Variants in ZNF385D observed in about 807,000 individuals in gnomAD.
The protein encoded by ZNF385D is zinc finger protein 659.
In ZNF385D, 15 loss-of-function variants were observed where a neutral mutation model predicts 35.8. The observed-to-expected ratio is 0.42, with a 90% CI of 0.28 to 0.64. The LOEUF (loss-of-function observed/expected upper bound fraction) is 0.64. ZNF385D is among the 30% of genes least tolerant of loss of function. ZNF385D has a pLI of 0.23. For missense variants in ZNF385D, 474 were observed against 494.6 expected, an observed-to-expected ratio of 0.96 and a Z score of 0.39; for synonymous variants, 212 against 186.8, an observed-to-expected ratio of 1.13 and a Z score of -1.10.
chr3:21,569,669 A>G (rs1224336288), intron 2 of ZNF385D, among the ~76,000 whole-genome samples: 9 of 151,712 alleles, frequency 5.9e-5, no homozygotes, highest in Non-Finnish European at 8.8e-5. Flanking sequence ...GATGGTCTTT[A>G]CATTTTGGCA....
chr3:21,933,988 T>C (rs1372241209), intron 3 of ZNF385D, among the ~76,000 whole-genome samples: 3 of 142,114 alleles, frequency 2.1e-5, no homozygotes, highest in African/African-American at 8.2e-5. Context: ...ATTATTTACA[T>C]AGTAACTCAC....
chr3:22,331,713 T>C (rs967643671), intron 2 of ZNF385D, among the ~76,000 whole-genome samples: 9 of 152,148 alleles, frequency 5.9e-5, no homozygotes, highest in Admixed American at 3.9e-4. Flanking sequence ...CCAAAATATA[T>C]TGCCCAATAT....
At chr3:21,975,726 T>TAC (rs1559808644) in intron 3 of ZNF385D, among the ~76,000 whole-genome samples, 7 of 26,550 alleles carry the variant, frequency 2.6e-4, no homozygotes, top group Non-Finnish European at 5.3e-4. Flanking sequence ...TATATATATA[T>TAC]ATATATATAT....
At chr3:21,982,079 G>GTTTTTTTTTTT (rs59719489) in intron 3 of ZNF385D, among the ~76,000 whole-genome samples, 1 of 133,254 alleles carries the variant, frequency 7.5e-6, no homozygotes, top group African/African-American at 2.9e-5. Flanking sequence ...TTTTAAAATA[G>GTTTTTTTTTTT]TTTTTTTTTT....
At chr3:22,315,462 A>T (rs537410363) in intron 2 of ZNF385D, among the ~76,000 whole-genome samples, 25 of 152,344 alleles carry the variant, frequency 1.6e-4, no homozygotes, top group Admixed American at 1.3e-3. Flanking sequence ...TACACAGTTT[A>T]TGTTACACAA....
At chr3:22,043,539 G>A (rs1698804426) in intron 3 of ZNF385D, among the ~76,000 whole-genome samples, 2 of 151,812 alleles carry the variant, frequency 1.3e-5, no homozygotes, top group South Asian at 4.2e-4. Flanking sequence ...TAAATATTGA[G>A]TAACTATTAT....
chr3:21,511,138 T>C, intron 3 of ZNF385D, 115 bp from the exon 4 acceptor site: 1 of 1,325,724 alleles, frequency 7.5e-7, no homozygotes, highest in South Asian at 1.4e-5. Flanking sequence ...GAGCTAATTC[T>C]GGCCGTGGCC....
chr3:21,587,204 T>TTCAAC (rs2063837946), intron 2 of ZNF385D, among the ~76,000 whole-genome samples: 1 of 152,130 alleles, frequency 6.6e-6, no homozygotes, highest in Admixed American at 6.6e-5. Flanking sequence ...AAAAGGAGCA[T>TTCAAC]TCAACTCAAA....
chr3:21,594,370 G>A (rs754714340), intron 2 of ZNF385D, among the ~76,000 whole-genome samples: 12 of 152,108 alleles, frequency 7.9e-5, no homozygotes, highest in South Asian at 4.1e-4. Context: ...AGATTGCACC[G>A]TGCAAGTAGT....
At chr3:21,895,712 G>A (rs150048511) in intron 3 of ZNF385D, among the ~76,000 whole-genome samples, 196 of 152,050 alleles carry the variant, frequency 1.3e-3, no homozygotes, top group African/African-American at 4.3e-3. Context: ...ATGCAGGACC[G>A]GTTGGAGTGG....
intron 4 of ZNF385D, among the ~76,000 whole-genome samples, chr3:21,452,121 A>G (rs1702498181): frequency 6.6e-6 from 1 of 152,088 alleles, no homozygotes; most frequent in Admixed American, 6.6e-5. Flanking sequence ...TAGCAATATC[A>G]TTAGGCAATT....
At chr3:21,902,691 G>T (rs1699470342) in intron 3 of ZNF385D, among the ~76,000 whole-genome samples, 1 of 152,116 alleles carries the variant, frequency 6.6e-6, no homozygotes, top group African/African-American at 2.4e-5. Context: ...CTTCAAGGAA[G>T]CAAGGCAGAG....
At chr3:21,781,699 T>C (rs1182632093) in intron 3 of ZNF385D, among the ~76,000 whole-genome samples, 1 of 151,982 alleles carries the variant, frequency 6.6e-6, no homozygotes, top group African/African-American at 2.4e-5. Context: ...CACGTAAGTC[T>C]TGTTATTATT....
At chr3:21,604,971 TGAA>T (rs1382236635) in intron 2 of ZNF385D, among the ~76,000 whole-genome samples, 2 of 152,154 alleles carry the variant, frequency 1.3e-5, no homozygotes, top group East Asian at 1.9e-4. Flanking sequence ...TAGAGGATGG[TGAA>T]GAAAGTTGCC....
Position 22,017,604 on chromosome 3 carries a change from T to A in ZNF385D, c.325+151213A>T, listed in dbSNP as rs553160553. Among the ~76,000 whole-genome samples, 11 of 149,994 alleles carry A rather than the reference T, an allele frequency of 7.3e-5. No individual in the cohort carries two copies. The South Asian group carries it at 2.3e-3, about 31-fold the overall frequency. On this transcript the variant is annotated intron_variant, in intron 3 of 5. Coordinates refer to the ZNF385D transcript ENST00000494108. ...CTTATTCTCTTTTATCAATTTTTAT[T>A]ATCCATTTTTTCCTTACTGGGTTTC... is the stretch of plus-strand genomic sequence containing the variant.
intron 3 of ZNF385D, among the ~76,000 whole-genome samples, chr3:22,136,081 A>G (rs901667487): frequency 1.3e-5 from 2 of 152,146 alleles, no homozygotes; most frequent in Admixed American, 1.3e-4. Context: ...ACATGACAAC[A>G]AAAGGATAAT....
intron 3 of ZNF385D, among the ~76,000 whole-genome samples, chr3:21,830,668 G>A (rs1427059393): frequency 6.6e-6 from 1 of 152,052 alleles, no homozygotes; most frequent in African/African-American, 2.4e-5. Flanking sequence ...ATCTTTATTA[G>A]TAGAGTTGCG....
At chr3:21,954,654 TAATA>T (rs1319755339) in intron 3 of ZNF385D, among the ~76,000 whole-genome samples, 3 of 152,138 alleles carry the variant, frequency 2.0e-5, no homozygotes, top group African/African-American at 7.2e-5. Flanking sequence ...CATGATTCAT[TAATA>T]TATATTAACT....
At chr3:22,012,110 C>A (rs983661220) in intron 3 of ZNF385D, among the ~76,000 whole-genome samples, 1 of 152,168 alleles carries the variant, frequency 6.6e-6, no homozygotes, top group Non-Finnish European at 1.5e-5. Context: ...AGGGAGCCCA[C>A]CACCTTTCTG....
Sources: gnomAD v4.1 joint callset for allele counts (sites outside exome capture counted in the v4.1 genomes callset) on GRCh38, gnomAD v4.1.1 for gene constraint, MANE v1.5 for transcripts, NCBI Gene and HGNC (gene_info 2026-07-23, HGNC 2026-07-21) for gene names.